The following CHLSN variants were observed in gnomAD, a reference collection of about 807,000 sequenced individuals.
CHLSN encodes the protein cholesin.
chr7:986,936 G>A, the CHLSN span: 2 of 1,321,600 alleles, frequency 1.5e-6, no homozygotes, highest in Admixed American at 2.9e-5. Context: ...CAGAGCCTCA[G>A]TCTCCTTGTC....
chr7:1,001,856 TGGAGTCCTGTGGGTGG>T, the CHLSN span, among the ~76,000 whole-genome samples: 1 of 47,786 alleles, frequency 2.1e-5, no homozygotes, highest in East Asian at 6.6e-4. Flanking sequence ...TGTGGGTGAG[TGGAGTCCTGTGGGTGG>T]GGAGTCCTGT....
At chr7:983,528 C>G in the CHLSN span, 2 of 801,398 alleles carry the variant, frequency 2.5e-6, no homozygotes, top group Non-Finnish European at 1.8e-6. Flanking sequence ...GCCGGAGGGC[C>G]CACCCTGCTT....
At chr7:1,070,882 A>ACGGG in the CHLSN span, among the ~76,000 whole-genome samples, 2 of 148,662 alleles carry the variant, frequency 1.3e-5, no homozygotes. Flanking sequence ...ACACGTGCAC[A>ACGGG]TGCACACACG....
the CHLSN span, among the ~76,000 whole-genome samples, chr7:1,001,467 G>A: frequency 2.8e-5 from 4 of 142,828 alleles, no homozygotes; most frequent in African/African-American, 7.8e-5. Context: ...CTGTGGGTGG[G>A]GAGTCCTGTG....
chr7:1,136,680 T>A, the CHLSN span, among the ~76,000 whole-genome samples: 15,656 of 148,238 alleles, frequency 0.11, 1,449 homozygotes, highest in African/African-American at 0.25. Flanking sequence ...TAACTATATA[T>A]ATAACCATAT....
the CHLSN span, among the ~76,000 whole-genome samples, chr7:1,008,789 T>G: frequency 2.0e-5 from 3 of 150,448 alleles, no homozygotes; most frequent in East Asian, 5.9e-4. Context: ...CACACGCACA[T>G]GTACACACGT....
chr7:1,093,049 G>C, the CHLSN span: 8 of 713,146 alleles, frequency 1.1e-5, no homozygotes, highest in Non-Finnish European at 1.8e-5. Context: ...TGGTCACCTT[G>C]CACTCCTCAC....
At chr7:1,071,948 C>T in the CHLSN span, among the ~76,000 whole-genome samples, 2 of 152,200 alleles carry the variant, frequency 1.3e-5, no homozygotes, top group African/African-American at 2.4e-5. Context: ...TGCACCTGGT[C>T]GGCACACGTG....
the CHLSN span, chr7:1,127,261 G>A: frequency 3.1e-6 from 5 of 1,596,904 alleles, no homozygotes; most frequent in African/African-American, 1.4e-5. Flanking sequence ...CCTTACCTTG[G>A]AGCCGGCTCC....
At chr7:1,129,510 A>G in the CHLSN span, among the ~76,000 whole-genome samples, 1 of 152,146 alleles carries the variant, frequency 6.6e-6, no homozygotes, top group Middle Eastern at 3.4e-3. Context: ...CAGTGGCACA[A>G]TCTCGGCTCA....
At chr7:1,109,165 C>T in the CHLSN span, among the ~76,000 whole-genome samples, 21 of 152,152 alleles carry the variant, frequency 1.4e-4, no homozygotes, top group African/African-American at 1.9e-4. Flanking sequence ...CCAAAGTGCT[C>T]GGAGCCACCA....
At chr7:983,401 C>T in the CHLSN span, 97 of 1,484,626 alleles carry the variant, frequency 6.5e-5, no homozygotes, top group African/African-American at 9.4e-4. Context: ...TCAGGGAGCC[C>T]GGGCAGCTCT....
At chr7:984,498 G>A in the CHLSN span, 1 of 1,552,438 alleles carries the variant, frequency 6.4e-7, no homozygotes, top group Non-Finnish European at 8.7e-7. Flanking sequence ...CGGTCAAAGA[G>A]GCGCTGGCGG....
chr7:1,041,707 A>C, the CHLSN span, among the ~76,000 whole-genome samples: 24 of 152,298 alleles, frequency 1.6e-4, no homozygotes, highest in East Asian at 4.6e-3. Context: ...CGTGATCAGC[A>C]CGGCACACAC....
the CHLSN span, among the ~76,000 whole-genome samples, chr7:1,076,758 C>T: frequency 6.5e-3 from 990 of 152,366 alleles, 14 homozygotes; most frequent in African/African-American, 0.023. Flanking sequence ...CCCAGCCCAG[C>T]GCCACAGCCT....
chr7:1,101,145 C>G, the CHLSN span, among the ~76,000 whole-genome samples: 2 of 152,262 alleles, frequency 1.3e-5, no homozygotes, highest in Non-Finnish European at 2.9e-5. Flanking sequence ...GCGCACACTC[C>G]CGCAGACTCT....
the CHLSN span, among the ~76,000 whole-genome samples, chr7:1,094,162 C>T: frequency 4.9e-3 from 747 of 152,338 alleles, 4 homozygotes; most frequent in African/African-American, 0.017. Context: ...GGCACCCAAG[C>T]GCTCCTGGAG....
At chr7:1,053,070 G>A in the CHLSN span, among the ~76,000 whole-genome samples, 1 of 152,258 alleles carries the variant, frequency 6.6e-6, no homozygotes, top group African/African-American at 2.4e-5. Context: ...GGCCTGCCCA[G>A]TGGGGGGAGA....
At chr7:1,023,751 G>T in the CHLSN span, among the ~76,000 whole-genome samples, 1 of 152,024 alleles carries the variant, frequency 6.6e-6, no homozygotes. The surrounding 1 kb of genome is among the most constrained non-coding windows in gnomAD (Gnocchi z 5.0). Context: ...AGGATCTCCA[G>T]GGGTGACTGC....
Sources: gnomAD v4.1 joint callset for allele counts (sites outside exome capture counted in the v4.1 genomes callset) on GRCh38, gnomAD v4.1.1 for gene constraint, Gnocchi (gnomAD v3.1) non-coding constraint, MANE v1.5 for transcripts, NCBI Gene and HGNC (gene_info 2026-07-23, HGNC 2026-07-21) for gene names.